The following CDC37L1 variants were observed in gnomAD, a reference collection of about 807,000 sequenced individuals.
CDC37L1 encodes cell division cycle 37 like 1, HSP90 cochaperone, also known as hsp90 co-chaperone Cdc37-like 1.
In CDC37L1, 32 loss-of-function variants were observed where a neutral mutation model predicts 45.9. The observed-to-expected ratio is 0.70, with a 90% CI of 0.53 to 0.94. CDC37L1 has a LOEUF of 0.94. Ranked by LOEUF, CDC37L1 falls within the 40% of genes least tolerant of loss-of-function variation. The pLI, the probability that CDC37L1 is intolerant of heterozygous loss-of-function variation, is 0.00. For synonymous variants in CDC37L1, 150 were observed against 133.0 expected, an observed-to-expected ratio of 1.13 and a Z score of -0.88; for missense variants, 434 against 405.7, an observed-to-expected ratio of 1.07 and a Z score of -0.60.
At chr9:4,679,940 C>A in intron 1 of CDC37L1, 41 bp downstream of exon 1, 1 of 1,609,372 alleles carries the variant, frequency 6.2e-7, no homozygotes, top group Non-Finnish European at 8.5e-7. Flanking sequence ...TGGAGTGGTG[C>A]TGTCGCCAAA....
rs78736373 is a variant in CDC37L1 at position 4,699,494 on chromosome 9, A to C, written c.747+1615A>C. Among the ~76,000 whole-genome samples the C allele has an allele frequency of 7.8e-3, 1,194 of 152,326 alleles. 14 individuals are homozygous for C. The highest frequency in any genetic ancestry group is 0.027 in the African/African-American group (1,111 of 41,568). ...GATGGAAAAACAAGAGAGTGAATCA[A>C]ACAAACCACAGAGTGATGTATCTGT... On this transcript the variant is annotated intron_variant, in intron 5 of 6. Coordinates refer to ENST00000381854, the MANE Select transcript of CDC37L1 (RefSeq NM_017913.4).
intron 3 of CDC37L1, among the ~76,000 whole-genome samples, chr9:4,694,460 C>T (rs1247847043): frequency 6.6e-6 from 1 of 152,168 alleles, no homozygotes; most frequent in Non-Finnish European, 1.5e-5. Context: ...TTCTCAATTT[C>T]ATACTAATTC....
chr9:4,704,955 G>T (rs560596246), intron 6 of CDC37L1, among the ~76,000 whole-genome samples: 3 of 152,152 alleles, frequency 2.0e-5, no homozygotes, highest in African/African-American at 7.2e-5. Flanking sequence ...GAAGCCCAGT[G>T]TGAGTGTCCC....
In CDC37L1 at chr9:4,684,882, T is replaced by C. The variant is rs1338087484; in HGVS notation, c.138T>C (p.Tyr46=). 3.1e-6 allele frequency: 5 copies of C among 1,608,644 alleles called. No individual in the cohort carries two copies. The highest frequency in any genetic ancestry group is 4.3e-6 in the Non-Finnish European group (5 of 1,175,432). The part of the protein sequence containing the change: ...PQLPGGGAQM[Y]SHGIELACQK... ...CAAATATTGTTTTTATCCAGATGTATAGCCATGGAATTGAATTGGCTTGCC... is the reference window on the plus strand; with the variant it reads ...CAAATATTGTTTTTATCCAGATGTACAGCCATGGAATTGAATTGGCTTGCC... The change falls in exon 2 of 7, where the codon TAT becomes TAC. Residue 46 remains tyrosine, a synonymous_variant. Coordinates refer to ENST00000381854, the MANE Select transcript of CDC37L1 (RefSeq NM_017913.4).
chr9:4,691,379 G>C (rs1841299475), intron 3 of CDC37L1, among the ~76,000 whole-genome samples: 1 of 152,206 alleles, frequency 6.6e-6, no homozygotes, highest in Non-Finnish European at 1.5e-5. Context: ...ATGTGTGCAT[G>C]TATTCTCATC....
chr9:4,705,456 T>G (rs910273124), intron 6 of CDC37L1, among the ~76,000 whole-genome samples: 4 of 152,192 alleles, frequency 2.6e-5, no homozygotes, highest in Non-Finnish European at 5.9e-5. Context: ...TCCTGTTGTT[T>G]TATTCTCAGT....
At chr9:4,693,278 C>CAA (rs113078159) in intron 3 of CDC37L1, among the ~76,000 whole-genome samples, 42 of 125,420 alleles carry the variant, frequency 3.3e-4, no homozygotes, top group South Asian at 5.0e-4. Flanking sequence ...CTCATCTCTA[C>CAA]AAAAAAAAAA....
intron 1 of CDC37L1, among the ~76,000 whole-genome samples, chr9:4,682,998 AAATAT>A (rs990581868): frequency 1.1e-4 from 16 of 143,978 alleles, no homozygotes; most frequent in East Asian, 2.0e-4. Context: ...TTTTATATTA[AAATAT>A]AATATATATA....
At position 4,702,098 on chromosome 9, in the gene CDC37L1, CTCTT is replaced by C. The variant is rs933215577; in HGVS notation, c.912+72_912+75del. The C allele has an allele frequency of 4.4e-5, 32 of 732,694 alleles. No individual in the cohort carries two copies. In the East Asian group the frequency reaches 9.5e-4, roughly 22 times the overall value. The allele number at this position is 732,694 out of a possible 1,614,324, so 45.4% of individuals were successfully genotyped here. On this transcript the variant is annotated intron_variant, in intron 6 of 6. Coordinates refer to ENST00000381854, the MANE Select transcript of CDC37L1 (RefSeq NM_017913.4). Reference sequence around the variant, plus strand: ...ACATAATTTTTGTTATTTTGCCCCACTCTTTTTTTTTTTTAATATGTGCTACTAT... The same window carrying C: ...ACATAATTTTTGTTATTTTGCCCCACTTTTTTTTTTAATATGTGCTACTAT...
At position 4,706,614 on chromosome 9, in the gene CDC37L1, A is replaced by T. The variant is rs1423345238; in HGVS notation, c.*502A>T. 1 of 152,682 alleles carries T rather than the reference A, an allele frequency of 6.5e-6. No homozygotes were observed. Among genetic ancestry groups the T allele is most frequent in the Admixed American group, 6.5e-5 (1 of 15,286 alleles). 9.5% of individuals were successfully genotyped at this position (152,682 alleles called of 1,614,324 possible). ...TCAGTAGTTGGTAATGTACTTTACT[A>T]AATAAGTTGGGGGGTACAATTTTTA... On this transcript the variant is annotated 3_prime_UTR_variant, in exon 7 of 7. Transcript: ENST00000381854.
At chr9:4,691,043 G>C (rs1045183676) in intron 3 of CDC37L1, among the ~76,000 whole-genome samples, 2 of 152,226 alleles carry the variant, frequency 1.3e-5, no homozygotes, top group Non-Finnish European at 2.9e-5. Flanking sequence ...TGTGACACAA[G>C]ACAGTGAAAA....
chr9:4,701,308 A>G (rs982165996), intron 5 of CDC37L1, among the ~76,000 whole-genome samples: 3 of 152,232 alleles, frequency 2.0e-5, no homozygotes, highest in Non-Finnish European at 4.4e-5. Flanking sequence ...ATTGAAAAGA[A>G]GGTACTTGCT....
Position 4,679,977 on chromosome 9 carries a change from C to T in CDC37L1, c.132+78C>T, listed in dbSNP as rs1253109347. ...CCCTGGAATGCCGCGTCTCCCAGAC[C>T]CTCTTCTACGCCTTTTTCTACGCCC... is the stretch of plus-strand genomic sequence containing the variant. On this transcript the variant is annotated intron_variant, in intron 1 of 6. Transcript: ENST00000381854. 4.5e-6 allele frequency: 7 copies of T among 1,555,218 alleles called. No homozygotes were observed. In the Admixed American group the frequency reaches 7.1e-5, roughly 16 times the overall value.
intron 3 of CDC37L1, among the ~76,000 whole-genome samples, chr9:4,691,439 CCTTT>C (rs1284827555): frequency 6.6e-6 from 1 of 152,144 alleles, no homozygotes; most frequent in Admixed American, 6.6e-5. Flanking sequence ...GTTTTCTGTT[CCTTT>C]GTTAGTTTGC....
chr9:4,688,735 G>A (rs993410399), intron 3 of CDC37L1, 129 bp downstream of exon 3: 1 of 572,236 alleles, frequency 1.7e-6, no homozygotes, highest in Non-Finnish European at 3.0e-6. Flanking sequence ...TTCTGGCACA[G>A]CTGTATAGAT....
At chr9:4,693,485 A>G (rs558230405) in intron 3 of CDC37L1, among the ~76,000 whole-genome samples, 13 of 152,172 alleles carry the variant, frequency 8.5e-5, no homozygotes, top group Non-Finnish European at 1.5e-4. Context: ...TAATAATTCT[A>G]TAAGTGTAAT....
intron 1 of CDC37L1, 54 bp downstream of exon 1, chr9:4,679,953 C>T: frequency 6.3e-7 from 1 of 1,599,392 alleles, no homozygotes; most frequent in Non-Finnish European, 8.5e-7. Flanking sequence ...TCGCCAAACC[C>T]CTGGAATGCC....
chr9:4,683,606 G>T (rs1042040531), intron 1 of CDC37L1, among the ~76,000 whole-genome samples: 9 of 152,102 alleles, frequency 5.9e-5, no homozygotes, highest in Non-Finnish European at 8.8e-5. Context: ...GAAGGGCTTT[G>T]CCACAGAGTA....
At chr9:4,694,571 G>T (rs10974735) in intron 3 of CDC37L1, among the ~76,000 whole-genome samples, 14,582 of 151,748 alleles carry the variant, frequency 0.096, 1,118 homozygotes, top group East Asian at 0.37. Context: ...TAAATAGGTA[G>T]TTAAAAAATA....
Sources: allele counts gnomAD v4.1 joint callset (sites outside exome capture counted in the v4.1 genomes callset), GRCh38; gene constraint gnomAD v4.1.1; transcripts MANE v1.5; gene names NCBI Gene and HGNC (gene_info 2026-07-23, HGNC 2026-07-21).